Variants in CDYL2 observed in about 807,000 individuals in gnomAD.
CDYL2 encodes chromodomain Y like 2.
Under a neutral mutation model 49.4 loss-of-function variants are expected in CDYL2, and 23 were observed. That is an observed-to-expected ratio of 0.47 (90% CI 0.34 to 0.66). The LOEUF is 0.66. Among genes scored for constraint, CDYL2 ranks in the 30% least tolerant of loss-of-function variants. CDYL2 has a pLI of 0.01. For synonymous variants in CDYL2, 360 were observed against 268.8 expected (o/e 1.34, Z -3.32); for missense variants, 678 against 656.4 (o/e 1.03, Z -0.36).
intron 1 of CDYL2, among the ~76,000 whole-genome samples, chr16:80,707,246 T>C (rs892662507): frequency 6.6e-6 from 1 of 152,102 alleles, no homozygotes; most frequent in Admixed American, 6.5e-5. Flanking sequence ...CAGGACTGCT[T>C]GAGGCCAGGA....
At chr16:80,707,928 G>C (rs1229914852) in intron 1 of CDYL2, among the ~76,000 whole-genome samples, 3 of 152,144 alleles carry the variant, frequency 2.0e-5, no homozygotes, top group Admixed American at 6.5e-5. Context: ...TTTCTCTCCA[G>C]TAGGGTGTTG....
intron 1 of CDYL2, among the ~76,000 whole-genome samples, chr16:80,755,352 GT>G (rs1906274701): frequency 6.6e-6 from 1 of 152,068 alleles, no homozygotes; most frequent in Non-Finnish European, 1.5e-5. Context: ...TCACCTAAGA[GT>G]CCCCCTCAGG....
intron 1 of CDYL2, among the ~76,000 whole-genome samples, chr16:80,782,334 T>C (rs1907295978): frequency 6.6e-6 from 1 of 151,294 alleles, no homozygotes; most frequent in African/African-American, 2.4e-5. Flanking sequence ...TGTAAGGAGA[T>C]TGAATCAGTA....
intron 1 of CDYL2, among the ~76,000 whole-genome samples, chr16:80,736,937 T>G (rs1905553075): frequency 2.0e-5 from 3 of 152,230 alleles, no homozygotes; most frequent in Admixed American, 2.0e-4. Flanking sequence ...TATCCTCTGT[T>G]GGAGCCCTGG....
intron 1 of CDYL2, among the ~76,000 whole-genome samples, chr16:80,697,647 C>T (rs1904281546): frequency 1.3e-5 from 2 of 152,046 alleles, no homozygotes; most frequent in African/African-American, 2.4e-5. Flanking sequence ...TGTTTGCACA[C>T]AACATGATCT....
At chr16:80,647,151 A>C (rs1394532275) in intron 2 of CDYL2, among the ~76,000 whole-genome samples, 1 of 152,190 alleles carries the variant, frequency 6.6e-6, no homozygotes, top group African/African-American at 2.4e-5. Context: ...AACTTAACCA[A>C]AGAAGTGAAA....
At chr16:80,780,399 T>TA in intron 1 of CDYL2, among the ~76,000 whole-genome samples, 1 of 136,280 alleles carries the variant, frequency 7.3e-6, no homozygotes, top group South Asian at 2.5e-4. Context: ...CACAATATCT[T>TA]TTTTTTTTTT....
intron 1 of CDYL2, among the ~76,000 whole-genome samples, chr16:80,764,028 G>C (rs1906628521): frequency 1.3e-5 from 2 of 151,870 alleles, no homozygotes; most frequent in Non-Finnish European, 2.9e-5. Context: ...AAAAATAAAA[G>C]GAATGAGATT....
At chr16:80,802,413 A>C in intron 1 of CDYL2, among the ~76,000 whole-genome samples, 1 of 152,230 alleles carries the variant, frequency 6.6e-6, no homozygotes, top group East Asian at 1.9e-4. Flanking sequence ...CACATAAGGA[A>C]ACTCAATCAA....
chr16:80,715,148 C>T (rs1904754181), intron 1 of CDYL2, among the ~76,000 whole-genome samples: 1 of 152,112 alleles, frequency 6.6e-6, no homozygotes, highest in Non-Finnish European at 1.5e-5. Context: ...AACTTCGACC[C>T]AAGCCATGGA....
chr16:80,727,948 T>C (rs1428537182), intron 1 of CDYL2, among the ~76,000 whole-genome samples: 2 of 152,104 alleles, frequency 1.3e-5, no homozygotes, highest in African/African-American at 2.4e-5. Flanking sequence ...AACCCATCTG[T>C]ACATCACCAT....
At chr16:80,776,809 T>G (rs1299377702) in intron 1 of CDYL2, among the ~76,000 whole-genome samples, 1 of 151,740 alleles carries the variant, frequency 6.6e-6, no homozygotes, top group Non-Finnish European at 1.5e-5. Flanking sequence ...TGCATACGTA[T>G]ATATTACAAA....
At position 80,612,920 on chromosome 16, in the gene CDYL2, G is replaced by A. The variant is rs1252493474; in HGVS notation, c.1008-84C>T. On this transcript the variant is annotated intron_variant, in intron 4 of 6. Transcript: ENST00000570137. The surrounding 1 kb of genome is among the most constrained non-coding windows in gnomAD (Gnocchi z 5.0). ...AACCCTTGACTCTCCCAGGTGCTGTGAGGAGCACCCTCAGGTCGTCAGAGG... is the reference window on the plus strand; with the variant it reads ...AACCCTTGACTCTCCCAGGTGCTGTAAGGAGCACCCTCAGGTCGTCAGAGG... 4 of 1,280,132 alleles carry A rather than the reference G, an allele frequency of 3.1e-6. No individual in the cohort carries two copies. Among genetic ancestry groups the A allele is most frequent in the South Asian group, 1.5e-5 (1 of 65,070 alleles). 79.3% of individuals were successfully genotyped at this position (1,280,132 alleles called of 1,614,324 possible).
chr16:80,621,909 T>C (rs569735167), intron 3 of CDYL2, among the ~76,000 whole-genome samples: 7 of 152,300 alleles, frequency 4.6e-5, no homozygotes, highest in Middle Eastern at 3.4e-3. Context: ...CAACAAGTGC[T>C]ACCTTAGCAG....
intron 1 of CDYL2, among the ~76,000 whole-genome samples, chr16:80,740,298 T>C (rs74030413): frequency 0.048 from 7,302 of 152,216 alleles, 366 homozygotes; most frequent in African/African-American, 0.13. Flanking sequence ...TATATTCTCA[T>C]TCTTTATTTT....
chr16:80,779,071 C>T (rs1907181833), intron 1 of CDYL2, among the ~76,000 whole-genome samples: 1 of 151,852 alleles, frequency 6.6e-6, no homozygotes, highest in African/African-American at 2.4e-5. Flanking sequence ...TAGCCTTCCC[C>T]TCACTCCAAG....
intron 1 of CDYL2, among the ~76,000 whole-genome samples, chr16:80,717,285 T>G (rs534944235): frequency 1.8e-4 from 28 of 152,354 alleles, no homozygotes; most frequent in African/African-American, 6.7e-4. Context: ...CCCAGAGTCC[T>G]AGACTGCCTT....
intron 1 of CDYL2, among the ~76,000 whole-genome samples, chr16:80,698,117 G>A (rs1904283510): frequency 6.6e-6 from 1 of 152,090 alleles, no homozygotes; most frequent in Non-Finnish European, 1.5e-5. Context: ...AACAAAGCTG[G>A]AGGCATCATA....
intron 2 of CDYL2, among the ~76,000 whole-genome samples, chr16:80,656,581 G>A (rs1412022707): frequency 6.6e-6 from 1 of 152,208 alleles, no homozygotes; most frequent in African/African-American, 2.4e-5. Context: ...CCTTCCTTCT[G>A]TTCCCCTCAA....
Sources: allele counts gnomAD v4.1 joint callset (sites outside exome capture counted in the v4.1 genomes callset), GRCh38; gene constraint gnomAD v4.1.1; non-coding constraint Gnocchi (gnomAD v3.1); transcripts MANE v1.5; gene names NCBI Gene and HGNC (gene_info 2026-07-23, HGNC 2026-07-21).